Variants in KIRREL3 observed in about 807,000 individuals in gnomAD.
KIRREL3 encodes the protein kirre like nephrin family adhesion molecule 3.
In KIRREL3, 36 loss-of-function variants were observed where a neutral mutation model predicts 89.7. That is an observed-to-expected ratio of 0.40 (90% confidence interval 0.31 to 0.53). The LOEUF (loss-of-function observed/expected upper bound fraction) is 0.53, where lower values mean the gene tolerates loss of function less well. Among genes scored for constraint, KIRREL3 ranks in the 20% least tolerant of loss-of-function variants. KIRREL3 has a pLI of 0.49. For missense variants in KIRREL3, 864 were observed against 1,056.6 expected (o/e 0.82, Z 2.53); for synonymous variants, 445 against 441.4 (o/e 1.01, Z -0.10).
intron 1 of KIRREL3, among the ~76,000 whole-genome samples, chr11:126,698,305 A>G (rs1742781018): frequency 6.6e-6 from 1 of 152,192 alleles, no homozygotes; most frequent in African/African-American, 2.4e-5. Context: ...CTTCTGACAC[A>G]TATCCTGAAG....
rs1957557650 is a variant in KIRREL3 at position 126,492,816 on chromosome 11, A to AGGGGG, written c.434-19351_434-19350insCCCCC. ...AGACCCAGCTCTTTCCTCCTCTTGG[A>AGGGGG]TGCTCTGGAGAGGGAGGGGGCAGGA... On this transcript the variant is annotated intron_variant, in intron 4 of 16. Coordinates refer to ENST00000525144, the MANE Select transcript of KIRREL3 (RefSeq NM_032531.4). This position sits in a 1 kb window ranked among gnomAD's most constrained non-coding sequence, Gnocchi z 4.8. Among the ~76,000 whole-genome samples the AGGGGG allele has an allele frequency of 6.6e-6, 1 of 152,044 alleles. No homozygotes were observed. The highest frequency in any genetic ancestry group is 1.5e-5 in the Non-Finnish European group (1 of 68,012).
In KIRREL3 at chr11:126,446,288, T is replaced by C. The variant is rs747374728; in HGVS notation, c.1125+471A>G. On this transcript the variant is annotated intron_variant, in intron 9 of 16. Transcript: ENST00000525144. The stretch of plus-strand genomic sequence containing the variant: ...TCTCTCTCTTTCTTTTCTTTCTCCT[T>C]TCTTTCTTTCTTTCTCTCTCTCTCT... 6.7e-3 allele frequency among the ~76,000 whole-genome samples: 793 copies of C among 118,786 alleles called. 8 individuals are homozygous for C. Among genetic ancestry groups the C allele is most frequent in the Non-Finnish European group, 0.01 (566 of 55,552 alleles). The allele number at this position is 118,786 out of a possible 152,430, so 77.9% of individuals were successfully genotyped here.
intron 4 of KIRREL3, among the ~76,000 whole-genome samples, chr11:126,502,454 C>A (rs754098839): frequency 3.3e-5 from 5 of 152,226 alleles, no homozygotes; most frequent in African/African-American, 4.8e-5. Flanking sequence ...AGAGGGAAAG[C>A]AATTCAATTA....
rs546865838 is a variant in KIRREL3 at position 126,509,592 on chromosome 11, C to T, written c.433+11723G>A. Among the ~76,000 whole-genome samples the T allele has an allele frequency of 2.0e-5, 3 of 152,254 alleles. No individual in the cohort carries two copies. In the South Asian group the frequency reaches 6.2e-4, roughly 32 times the overall value. On this transcript the variant is annotated intron_variant, in intron 4 of 16. Transcript: ENST00000525144. ...TTCCCATGATGGACCCAGATTTTGC[C>T]AGCAGTTTGCAGAATGGTAAAGTTT...
rs1273693830 is a variant in KIRREL3, at chr11:126,877,857, GA to G, written c.55+122597del. ...TATCATCCACATGTTTTTTGTGCCT[GA>G]AAAAGCAGAATATTATTATAATAGG... is the stretch of plus-strand genomic sequence containing the variant. On this transcript the variant is annotated intron_variant, in intron 1 of 16. Coordinates refer to ENST00000525144, the MANE Select transcript of KIRREL3 (RefSeq NM_032531.4). This position sits in a 1 kb window ranked among gnomAD's most constrained non-coding sequence, Gnocchi z 4.9. 1.3e-5 allele frequency among the ~76,000 whole-genome samples: 2 copies of G among 152,086 alleles called. No homozygotes were observed. Among genetic ancestry groups the G allele is most frequent in the African/African-American group, 4.8e-5 (2 of 41,412 alleles).
At position 126,681,626 on chromosome 11, in the gene KIRREL3, A is replaced by ACACACACC. The variant is rs751501249; in HGVS notation, c.56-118715_56-118714insGGTGTGTG. Among the ~76,000 whole-genome samples the ACACACACC allele has an allele frequency of 5.9e-3, 898 of 152,020 alleles. 9 individuals are homozygous for ACACACACC. Among genetic ancestry groups the ACACACACC allele is most frequent in the African/African-American group, 0.021 (856 of 41,442 alleles). ...TATATACAGACACACACACACACACACCAGATCAAGCACACACTGGAGATC... is the reference window on the plus strand; with the variant it reads ...TATATACAGACACACACACACACACACACACACCCCAGATCAAGCACACACTGGAGATC... On this transcript the variant is annotated intron_variant, in intron 1 of 16. Coordinates refer to ENST00000525144, the MANE Select transcript of KIRREL3 (RefSeq NM_032531.4).
chr11:126,789,579 A>G (rs566293754), intron 1 of KIRREL3, among the ~76,000 whole-genome samples: 37 of 152,234 alleles, frequency 2.4e-4, no homozygotes, highest in African/African-American at 8.7e-4. Flanking sequence ...TGGTTCCAAA[A>G]AATTGTTTTG....
Position 126,811,246 on chromosome 11 carries a change from T to A in KIRREL3, c.55+189209A>T, listed in dbSNP as rs546735715. On this transcript the variant is annotated intron_variant, in intron 1 of 16. Coordinates refer to ENST00000525144, the MANE Select transcript of KIRREL3 (RefSeq NM_032531.4). The surrounding 1 kb of genome is among the most constrained non-coding windows in gnomAD (Gnocchi z 4.3). Reference sequence around the variant, plus strand: ...GAATTCTTCTGTTTTCCAGGAGGTGTCCCTAGTACCCTTCCCACCCGCTTT... The same window carrying A: ...GAATTCTTCTGTTTTCCAGGAGGTGACCCTAGTACCCTTCCCACCCGCTTT... Among the ~76,000 whole-genome samples the A allele has an allele frequency of 1.3e-4, 20 of 152,326 alleles. No homozygotes were observed. Among genetic ancestry groups the A allele is most frequent in the Middle Eastern group, 6.8e-3 (2 of 294 alleles).
In KIRREL3 at chr11:126,441,754, C is replaced by T. The variant is rs1386495898; in HGVS notation, c.1253-1205G>A. Among the ~76,000 whole-genome samples the T allele has an allele frequency of 6.6e-6, 1 of 152,212 alleles. No homozygotes were observed. The highest frequency in any genetic ancestry group is 1.5e-5 in the Non-Finnish European group (1 of 68,038). On this transcript the variant is annotated intron_variant, in intron 10 of 16. Coordinates refer to ENST00000525144, the MANE Select transcript of KIRREL3 (RefSeq NM_032531.4). The surrounding 1 kb of genome is among the most constrained non-coding windows in gnomAD (Gnocchi z 5.0). ...GCCAAGGGAGAAAAGGTACTGTAGA[C>T]ACTCCAGTGACTTCTGTTGAGTTTG...
At chr11:126,657,253 T>TC (rs1289223711) in intron 1 of KIRREL3, among the ~76,000 whole-genome samples, 123 of 148,362 alleles carry the variant, frequency 8.3e-4, no homozygotes, top group Non-Finnish European at 1.4e-3. Flanking sequence ...AATAATTAAA[T>TC]AAATAAATAA....
chr11:126,582,767 G>A (rs1267595126), intron 1 of KIRREL3, among the ~76,000 whole-genome samples: 2 of 151,992 alleles, frequency 1.3e-5, no homozygotes, highest in Admixed American at 6.6e-5. Context: ...CCAGTGCTTC[G>A]TGCAGCAACA....
At chr11:126,839,812 C>A (rs904223847) in intron 1 of KIRREL3, among the ~76,000 whole-genome samples, 1 of 152,170 alleles carries the variant, frequency 6.6e-6, no homozygotes, top group Non-Finnish European at 1.5e-5. Context: ...ATGCACGCTC[C>A]TGCAAATTTA....
chr11:126,539,558 A>G (rs1283256683), intron 2 of KIRREL3, among the ~76,000 whole-genome samples: 1 of 152,160 alleles, frequency 6.6e-6, no homozygotes, highest in African/African-American at 2.4e-5. Context: ...GAAGAAATGG[A>G]TTTAGGAGCC....
intron 4 of KIRREL3, among the ~76,000 whole-genome samples, chr11:126,511,184 C>A (rs1478400433): frequency 1.3e-5 from 2 of 151,944 alleles, no homozygotes; most frequent in Non-Finnish European, 2.9e-5. Flanking sequence ...ACAGGCCAGG[C>A]GCAGTGGCTC....
At chr11:126,440,778 A>G (rs1019254307) in intron 10 of KIRREL3, 3 of 595,582 alleles carry the variant, frequency 5.0e-6, no homozygotes, top group African/African-American at 1.9e-5. Flanking sequence ...CAGAACCCCC[A>G]GAAGATACAA....
chr11:126,517,542 C>T (rs1293595845), intron 4 of KIRREL3, among the ~76,000 whole-genome samples: 1 of 152,176 alleles, frequency 6.6e-6, no homozygotes, highest in Non-Finnish European at 1.5e-5. Flanking sequence ...TTGAGGTCCA[C>T]AGCCAAGGCC....
At chr11:126,947,916 A>T (rs1379122310) in intron 1 of KIRREL3, among the ~76,000 whole-genome samples, 1 of 152,162 alleles carries the variant, frequency 6.6e-6, no homozygotes, top group African/African-American at 2.4e-5. Flanking sequence ...AGGGGCCATG[A>T]TGCTGGAATG....
In KIRREL3 at chr11:126,796,928, G is replaced by T. The variant is rs1168699531; in HGVS notation, c.55+203527C>A. Among the ~76,000 whole-genome samples, 1 of 152,202 alleles carries T rather than the reference G, an allele frequency of 6.6e-6. No homozygotes were observed. Among genetic ancestry groups the T allele is most frequent in the Non-Finnish European group, 1.5e-5 (1 of 68,042 alleles). On this transcript the variant is annotated intron_variant, in intron 1 of 16. Transcript: ENST00000525144. The surrounding 1 kb of genome is among the most constrained non-coding windows in gnomAD (Gnocchi z 5.1). The stretch of plus-strand genomic sequence containing the variant: ...CTTAGAAAAAGATCTGCCTGATTGG[G>T]GTTGTGAGCTAGCACAGAGCAGGAA...
chr11:126,438,464 G>A (rs11220495), intron 11 of KIRREL3, among the ~76,000 whole-genome samples: 8,983 of 152,240 alleles, frequency 0.059, 360 homozygotes, highest in Middle Eastern at 0.095. Context: ...ATTGCAGGAT[G>A]TCAGCAGCAC....
Sources: gnomAD v4.1 joint callset for allele counts (sites outside exome capture counted in the v4.1 genomes callset) on GRCh38, gnomAD v4.1.1 for gene constraint, Gnocchi (gnomAD v3.1) non-coding constraint, MANE v1.5 for transcripts, NCBI Gene and HGNC (gene_info 2026-07-23, HGNC 2026-07-21) for gene names.